The following AHI1 variants were observed in gnomAD, a reference collection of about 807,000 sequenced individuals.
AHI1 encodes the protein Abelson helper integration site 1.
In AHI1, 123 loss-of-function variants were observed where a neutral mutation model predicts 149.3. The observed-to-expected ratio is 0.82, with a 90% CI of 0.71 to 0.96. AHI1 has a LOEUF of 0.96. Among genes scored for constraint, AHI1 ranks in the 40% least tolerant of loss-of-function variants. AHI1 has a pLI of 0.00. For synonymous variants in AHI1, 475 were observed against 459.8 expected (o/e 1.03, Z -0.42); for missense variants, 1,439 against 1,422.7 (o/e 1.01, Z -0.18).
Position 135,411,402 on chromosome 6 carries a change from A to G in AHI1, c.2907T>C (p.Thr969=), listed in dbSNP as rs1781572367. The G allele has an allele frequency of 6.2e-7, 1 of 1,613,728 alleles. No individual in the cohort carries two copies. The highest frequency in any genetic ancestry group is 1.3e-5 in the African/African-American group (1 of 74,918). The change falls in exon 21 of 29, where the codon ACT becomes ACC. Residue 969 remains threonine (T), a synonymous_variant. Coordinates refer to ENST00000265602, the MANE Select transcript of AHI1 (RefSeq NM_001134831.2). ...GCTGCATCTTCGTTGAAGAACTTTC[A>G]GTGTGGACAAATTCATCAATCTGAA... ...GSFQIDEFVH[T]ESSSTKMQLV... is the part of the protein sequence containing the mutation.
intron 26 of AHI1, chr6:135,301,256 G>C: frequency 1.0e-6 from 1 of 984,144 alleles, no homozygotes; most frequent in Non-Finnish European, 1.2e-6. Flanking sequence ...GTTATGGAAA[G>C]GATTCGTTTA....
intron 23 of AHI1, among the ~76,000 whole-genome samples, chr6:135,392,383 C>T (rs1346446172): frequency 6.6e-6 from 1 of 152,158 alleles, no homozygotes; most frequent in African/African-American, 2.4e-5. Context: ...AAAGTTACAA[C>T]AGAACATAAA....
At chr6:135,451,819 A>G (rs1192081296) in intron 11 of AHI1, among the ~76,000 whole-genome samples, 1 of 151,880 alleles carries the variant, frequency 6.6e-6, no homozygotes, top group Non-Finnish European at 1.5e-5. Flanking sequence ...GGCACTGTTT[A>G]CTATGTGAAA....
At chr6:135,441,521 CCAAAGA>C (rs993431412) in intron 14 of AHI1, among the ~76,000 whole-genome samples, 1 of 151,366 alleles carries the variant, frequency 6.6e-6, no homozygotes, top group Non-Finnish European at 1.5e-5. Context: ...TAGTCAAAAA[CCAAAGA>C]CAAAGATTCC....
At chr6:135,440,122 C>A (rs1459350629) in intron 14 of AHI1, among the ~76,000 whole-genome samples, 1 of 152,102 alleles carries the variant, frequency 6.6e-6, no homozygotes, top group African/African-American at 2.4e-5. Flanking sequence ...CAATAAAAAT[C>A]AAGAGACTGG....
intron 14 of AHI1, among the ~76,000 whole-genome samples, chr6:135,442,228 T>G (rs147614834): frequency 2.4e-4 from 37 of 152,302 alleles, no homozygotes; most frequent in Non-Finnish European, 5.1e-4. Context: ...GTAACTCAAA[T>G]CATCACTGCT....
At chr6:135,359,133 C>T (rs902906971) in intron 23 of AHI1, among the ~76,000 whole-genome samples, 1 of 152,170 alleles carries the variant, frequency 6.6e-6, no homozygotes, top group African/African-American at 2.4e-5. Flanking sequence ...TAAGTGAGAT[C>T]AACACAAACA....
intron 26 of AHI1, among the ~76,000 whole-genome samples, chr6:135,305,958 A>T (rs1040620098): frequency 4.6e-5 from 7 of 152,082 alleles, no homozygotes; most frequent in African/African-American, 1.4e-4. Context: ...TTAAAACCTA[A>T]TTCATCCACT....
intron 24 of AHI1, among the ~76,000 whole-genome samples, chr6:135,347,516 G>A (rs987302982): frequency 5.3e-5 from 8 of 152,084 alleles, no homozygotes; most frequent in African/African-American, 9.7e-5. Context: ...TCTAGAAGAC[G>A]CTTGAAGACC....
intron 19 of AHI1, 26 bp from the exon 20 acceptor site, chr6:135,427,333 T>G (rs750850203): frequency 6.3e-7 from 1 of 1,593,214 alleles, no homozygotes; most frequent in South Asian, 1.1e-5. Flanking sequence ...GATTCAAAAA[T>G]GTATATCAGA....
At chr6:135,392,245 TAAAATG>T (rs1778614408) in intron 23 of AHI1, among the ~76,000 whole-genome samples, 1 of 152,178 alleles carries the variant, frequency 6.6e-6, no homozygotes, top group Non-Finnish European at 1.5e-5. Context: ...GGTGGTCACT[TAAAATG>T]ATTTTAGAAT....
chr6:135,458,363 A>G (rs1397969477), intron 8 of AHI1, among the ~76,000 whole-genome samples: 1 of 152,194 alleles, frequency 6.6e-6, no homozygotes, highest in African/African-American at 2.4e-5. Context: ...CAGGACTAAA[A>G]TGATAAAACT....
rs984975595 is a variant in AHI1 at position 135,438,612 on chromosome 6, C to A, written c.1913-114G>T. The A allele has an allele frequency of 3.7e-6, 3 of 811,874 alleles. No homozygotes were observed. The African/African-American group carries it at 5.4e-5, about 15-fold the overall frequency. The allele number at this position is 811,874 out of a possible 1,614,324, so 50.3% of individuals were successfully genotyped here. A position where few individuals can be genotyped will look rare whatever the true frequency, so the allele number is the denominator to read the frequency against. ...TAAGCAGTCTATAACAAAATTATAA[C>A]CAAAGACATTTGCAGCACAGAGAAA... On this transcript the variant is annotated intron_variant, in intron 14 of 28. Coordinates refer to ENST00000265602, the MANE Select transcript of AHI1 (RefSeq NM_001134831.2).
intron 5 of AHI1, chr6:135,490,081 T>C (rs914612264): frequency 1.5e-6 from 1 of 687,234 alleles, no homozygotes. Flanking sequence ...GGGGATCAGG[T>C]TGTAGTTAGT....
At chr6:135,309,233 T>G (rs558731343) in intron 26 of AHI1, among the ~76,000 whole-genome samples, 1 of 152,176 alleles carries the variant, frequency 6.6e-6, no homozygotes, top group African/African-American at 2.4e-5. Flanking sequence ...TCTATGGGTA[T>G]GAGGTAAAGG....
intron 16 of AHI1, among the ~76,000 whole-genome samples, chr6:135,432,641 C>G (rs565910064): frequency 6.6e-6 from 1 of 152,100 alleles, no homozygotes; most frequent in Non-Finnish European, 1.5e-5. Context: ...CACGAACCAC[C>G]GCGCCCGGCC....
At chr6:135,293,019 C>A (rs989891609) in intron 27 of AHI1, among the ~76,000 whole-genome samples, 1 of 152,148 alleles carries the variant, frequency 6.6e-6, no homozygotes. Flanking sequence ...TCAAATTCAA[C>A]AAGCACTATC....
rs1793283952 is a variant in AHI1, at chr6:135,358,167, T to C, written c.3130A>G (p.Lys1044Glu). Reference protein sequence around the residue: ...TQTGIISIERKPCNHQVDTAP... With the variant: ...TQTGIISIEREPCNHQVDTAP... The stretch of plus-strand genomic sequence containing the variant: ...GTATCTACCTGATGGTTACAAGGCT[T>C]TCTTTCTATGCTGATAATCCCTGTG... Residue 1044 changes from lysine to glutamate, a missense_variant, in exon 24 of 29, where the codon AAG (lysine) becomes GAG (glutamate). By Grantham distance (56) the Lys-to-Glu change is moderately conservative. Coordinates refer to ENST00000265602, the MANE Select transcript of AHI1 (RefSeq NM_001134831.2). 6.2e-7 allele frequency: 1 copy of C among 1,612,968 alleles called. No individual in the cohort carries two copies.
At chr6:135,478,897 CTCTGGCTCCAGCTGT>C (rs991619587) in intron 5 of AHI1, among the ~76,000 whole-genome samples, 7 of 152,254 alleles carry the variant, frequency 4.6e-5, no homozygotes, top group Admixed American at 4.6e-4. Context: ...GTCCCAGCTG[CTCTGGCTCCAGCTGT>C]GGCTAAAAGG....
Sources: gnomAD v4.1 joint callset for allele counts (sites outside exome capture counted in the v4.1 genomes callset) on GRCh38, gnomAD v4.1.1 for gene constraint, MANE v1.5 for transcripts, NCBI Gene and HGNC (gene_info 2026-07-23, HGNC 2026-07-21) for gene names.